Variants in PPP2R2B observed in about 807,000 individuals in gnomAD.
PPP2R2B encodes the protein protein phosphatase 2 regulatory subunit Bbeta, also known as serine/threonine-protein phosphatase 2A 55 kDa regulatory subunit B beta isoform.
Under a neutral mutation model 46.0 loss-of-function variants are expected in PPP2R2B, and 5 were observed. The ratio of observed to expected loss-of-function variants is 0.11; its 90% CI spans 0.06 to 0.23. PPP2R2B has a LOEUF of 0.23. PPP2R2B is among the 10% of genes least tolerant of loss of function. The probability of loss-of-function intolerance (pLI) is 1.00; values close to 1 mark genes in which losing one functional copy is unlikely to be tolerated. For synonymous variants in PPP2R2B, 215 were observed against 206.7 expected, an observed-to-expected ratio of 1.04 and a Z score of -0.34; for missense variants, 367 against 575.0, an observed-to-expected ratio of 0.64 and a Z score of 3.70.
rs114221907 is a variant in PPP2R2B at position 146,719,993 on chromosome 5, C to T, written c.71-18851G>A. 6.0e-3 allele frequency among the ~76,000 whole-genome samples: 920 copies of T among 152,098 alleles called. 5 individuals are homozygous for T. Among genetic ancestry groups the T allele is most frequent in the African/African-American group, 0.021 (853 of 41,508 alleles). ...GCACCTCCTAACATTTCCTAGTGTA[C>T]CCCCAGCCTTAGTGTCAAGTGCCAG... On this transcript the variant is annotated intron_variant, in intron 2 of 9. Transcript: ENST00000394411.
chr5:146,781,566 C>G (rs1293724650), intron 2 of PPP2R2B, among the ~76,000 whole-genome samples: 1 of 149,268 alleles, frequency 6.7e-6, no homozygotes, highest in East Asian at 2.0e-4. Context: ...AATACTCAGG[C>G]AAGGCATTTT....
chr5:147,048,606 G>A (rs972939293), intron 1 of PPP2R2B, among the ~76,000 whole-genome samples: 1 of 152,046 alleles, frequency 6.6e-6, no homozygotes, highest in African/African-American at 2.4e-5. Flanking sequence ...ATATTCACAG[G>A]CATTATGCTA....
chr5:146,846,908 A>T (rs1300176970), intron 2 of PPP2R2B, among the ~76,000 whole-genome samples: 1 of 152,200 alleles, frequency 6.6e-6, no homozygotes, highest in Non-Finnish European at 1.5e-5. Flanking sequence ...GAAGTCTCAA[A>T]GCCACTGCCT....
chr5:146,829,856 C>A (rs971646144), intron 2 of PPP2R2B, among the ~76,000 whole-genome samples: 4 of 152,094 alleles, frequency 2.6e-5, no homozygotes, highest in African/African-American at 4.8e-5. Context: ...TCATTGCAGG[C>A]AAATTGGCTA....
intron 1 of PPP2R2B, among the ~76,000 whole-genome samples, chr5:146,961,457 T>G (rs1752170264): frequency 6.6e-6 from 1 of 152,218 alleles, no homozygotes; most frequent in Non-Finnish European, 1.5e-5. Context: ...GTAACAACTT[T>G]AAATATTATT....
upstream of PPP2R2B, among the ~76,000 whole-genome samples, chr5:146,880,574 C>T (rs898658887): frequency 6.6e-6 from 1 of 152,142 alleles, no homozygotes; most frequent in Non-Finnish European, 1.5e-5. Context: ...TTGGAATGAT[C>T]TTAAAATTGT....
At chr5:146,676,038 C>T (rs748400679) in intron 5 of PPP2R2B, among the ~76,000 whole-genome samples, 26 of 152,028 alleles carry the variant, frequency 1.7e-4, no homozygotes, top group East Asian at 5.8e-4. Context: ...GGAGGGAGGA[C>T]GCCTTGATAT....
chr5:146,598,532 C>A (rs968092771), intron 8 of PPP2R2B, among the ~76,000 whole-genome samples: 2 of 152,138 alleles, frequency 1.3e-5, no homozygotes, highest in Non-Finnish European at 2.9e-5. Context: ...AAGTGTCTAC[C>A]TGCTGTGTCT....
rs1260272806 is a variant in PPP2R2B at position 147,078,333 on chromosome 5, G to T, written c.50+2726C>A. 2.0e-5 allele frequency among the ~76,000 whole-genome samples: 3 copies of T among 152,248 alleles called. No individual in the cohort carries two copies. The East Asian group carries it at 5.8e-4, about 29-fold the overall frequency. Reference sequence around the variant, plus strand: ...CTGCAACTGGTAAGACCTATAGTTAGAGCAGACACTAGAATTCTCATAATT... The same window carrying T: ...CTGCAACTGGTAAGACCTATAGTTATAGCAGACACTAGAATTCTCATAATT... On this transcript the variant is annotated intron_variant, in intron 2 of 10. Transcript: ENST00000394413.
chr5:146,764,609 T>G (rs1016942825), intron 2 of PPP2R2B, among the ~76,000 whole-genome samples: 1 of 152,180 alleles, frequency 6.6e-6, no homozygotes, highest in Non-Finnish European at 1.5e-5. Context: ...TGTCTACTTC[T>G]GCTGCACCTG....
intron 2 of PPP2R2B, among the ~76,000 whole-genome samples, chr5:146,852,338 C>A (rs1189896829): frequency 6.6e-6 from 1 of 152,148 alleles, no homozygotes; most frequent in African/African-American, 2.4e-5. Context: ...ATAAACTAAT[C>A]ATGCCTTTGT....
chr5:147,067,921 T>G (rs1757463227), intron 2 of PPP2R2B, among the ~76,000 whole-genome samples: 1 of 152,212 alleles, frequency 6.6e-6, no homozygotes, highest in African/African-American at 2.4e-5. Context: ...ACATCGTGTC[T>G]GTAGAACTGG....
chr5:146,634,514 T>C (rs1418671105), intron 7 of PPP2R2B, among the ~76,000 whole-genome samples: 4 of 152,038 alleles, frequency 2.6e-5, no homozygotes, highest in African/African-American at 4.8e-5. Context: ...TTTGTATTTT[T>C]AGTAGAGACG....
intron 2 of PPP2R2B, among the ~76,000 whole-genome samples, chr5:146,804,523 A>G (rs1757058355): frequency 6.6e-6 from 1 of 152,158 alleles, no homozygotes. Flanking sequence ...ATAACAACAT[A>G]AACACCTTGA....
At chr5:146,655,250 T>C (rs1020636064) in intron 5 of PPP2R2B, among the ~76,000 whole-genome samples, 1 of 152,210 alleles carries the variant, frequency 6.6e-6, no homozygotes, top group Non-Finnish European at 1.5e-5. Flanking sequence ...AACCGAATAA[T>C]GTCCCAAGCC....
chr5:146,728,654 C>T (rs142934009), intron 2 of PPP2R2B, among the ~76,000 whole-genome samples: 1 of 151,946 alleles, frequency 6.6e-6, no homozygotes, highest in Admixed American at 6.6e-5. Flanking sequence ...TGGGAGGGAC[C>T]CAGGGGGAGT....
intron 2 of PPP2R2B, among the ~76,000 whole-genome samples, chr5:146,712,371 A>T (rs2151183084): frequency 6.6e-6 from 1 of 152,348 alleles, no homozygotes; most frequent in Admixed American, 6.5e-5. Flanking sequence ...TACACACAGT[A>T]GGTAAGAGTA....
intron 4 of PPP2R2B, 89 bp from the exon 5 acceptor site, chr5:146,691,329 G>A: frequency 1.0e-6 from 1 of 1,002,630 alleles, no homozygotes; most frequent in South Asian, 1.4e-5. Flanking sequence ...AGAGGAAGAG[G>A]TAAGGATGGA....
Position 146,855,582 on chromosome 5 carries a change from A to G in PPP2R2B, c.70+22420T>C, listed in dbSNP as rs533096946. ...TTATTAGCTCTATGATAAAATATTT[A>G]TCTAGAGCCTTTTTCCCTCTTCGTT... On this transcript the variant is annotated intron_variant, in intron 2 of 9. Transcript: ENST00000394411. Among the ~76,000 whole-genome samples the G allele has an allele frequency of 3.3e-5, 5 of 152,264 alleles. No individual in the cohort carries two copies. The South Asian group carries it at 1.0e-3, about 32-fold the overall frequency.
Sources: allele counts gnomAD v4.1 joint callset (sites outside exome capture counted in the v4.1 genomes callset), GRCh38; gene constraint gnomAD v4.1.1; transcripts MANE v1.5; gene names NCBI Gene and HGNC (gene_info 2026-07-23, HGNC 2026-07-21).